Variants in ZMAT4 observed in about 807,000 individuals in gnomAD.
ZMAT4 encodes the protein zinc finger matrin-type protein 4.
Under a neutral mutation model 28.7 loss-of-function variants are expected in ZMAT4, and 17 were observed. The observed-to-expected ratio is 0.59, with a 90% confidence interval of 0.41 to 0.89. ZMAT4 has a LOEUF of 0.89. Among genes scored for constraint, ZMAT4 ranks in the 40% least tolerant of loss-of-function variants. ZMAT4 has a pLI of 0.00. For missense variants in ZMAT4, 240 were observed against 283.8 expected (o/e 0.85, Z 1.11); for synonymous variants, 117 against 109.2 (o/e 1.07, Z -0.44).
chr8:40,839,460 A>G (rs1262426035), intron 1 of ZMAT4, among the ~76,000 whole-genome samples: 3 of 152,256 alleles, frequency 2.0e-5, no homozygotes, highest in African/African-American at 7.2e-5. Context: ...GCTAGCTACA[A>G]TCCCACCACC....
chr8:40,616,348 A>C (rs1377674809), intron 5 of ZMAT4, among the ~76,000 whole-genome samples: 1 of 152,224 alleles, frequency 6.6e-6, no homozygotes, highest in Non-Finnish European at 1.5e-5. Flanking sequence ...AGGATCTAGA[A>C]CTAGAAATAC....
intron 6 of ZMAT4, among the ~76,000 whole-genome samples, chr8:40,538,618 C>T (rs1000788933): frequency 6.6e-6 from 1 of 152,036 alleles, no homozygotes; most frequent in African/African-American, 2.4e-5. Context: ...AGTTCAGTAC[C>T]CCTCTTCTAT....
intron 5 of ZMAT4, among the ~76,000 whole-genome samples, chr8:40,601,505 G>GAAAGAA (rs1563360178): frequency 9.1e-5 from 13 of 142,172 alleles, no homozygotes; most frequent in Non-Finnish European, 1.4e-4. Context: ...GAGAAAGAAA[G>GAAAGAA]AAAGAGAAAG....
chr8:40,667,403 C>T (rs1485582883), intron 5 of ZMAT4, among the ~76,000 whole-genome samples: 1 of 152,198 alleles, frequency 6.6e-6, no homozygotes, highest in Non-Finnish European at 1.5e-5. Context: ...ATCCACCCAC[C>T]TTGGCCTCCC....
intron 4 of ZMAT4, among the ~76,000 whole-genome samples, chr8:40,680,377 T>C (rs1345623451): frequency 6.6e-6 from 1 of 152,008 alleles, no homozygotes; most frequent in Non-Finnish European, 1.5e-5. Flanking sequence ...CAAATTGAAA[T>C]TGGTCACCCC....
intron 3 of ZMAT4, among the ~76,000 whole-genome samples, chr8:40,716,486 G>A (rs1380754835): frequency 6.6e-6 from 1 of 152,170 alleles, no homozygotes; most frequent in East Asian, 1.9e-4. Context: ...GAGGTCAGGA[G>A]TATGAGATCA....
chr8:40,625,587 C>T (rs1166760866), intron 5 of ZMAT4, among the ~76,000 whole-genome samples: 1 of 152,068 alleles, frequency 6.6e-6, no homozygotes, highest in African/African-American at 2.4e-5. Context: ...TCATCACTTA[C>T]ACAGCTTTGG....
intron 5 of ZMAT4, among the ~76,000 whole-genome samples, chr8:40,647,488 G>A (rs1027676330): frequency 5.9e-5 from 9 of 152,270 alleles, no homozygotes; most frequent in East Asian, 3.9e-4. Flanking sequence ...AGGTGGCAGC[G>A]AGGCTGGGGG....
At chr8:40,629,201 TA>T (rs1406928809) in intron 5 of ZMAT4, among the ~76,000 whole-genome samples, 1 of 151,846 alleles carries the variant, frequency 6.6e-6, no homozygotes, top group Non-Finnish European at 1.5e-5. Flanking sequence ...ATTTAGTGAG[TA>T]AAAAATTGAT....
intron 5 of ZMAT4, among the ~76,000 whole-genome samples, chr8:40,599,887 G>A (rs1349531652): frequency 1.3e-5 from 2 of 152,110 alleles, no homozygotes; most frequent in African/African-American, 2.4e-5. Flanking sequence ...TCCTTACCAC[G>A]CACAGTGCCT....
At chr8:40,602,087 T>G (rs1399590300) in intron 5 of ZMAT4, among the ~76,000 whole-genome samples, 1 of 152,172 alleles carries the variant, frequency 6.6e-6, no homozygotes, top group Non-Finnish European at 1.5e-5. Flanking sequence ...ATAGCCTAGC[T>G]CTCACTTAGG....
At chr8:40,872,994 T>C (rs908352513) in intron 1 of ZMAT4, among the ~76,000 whole-genome samples, 4 of 152,016 alleles carry the variant, frequency 2.6e-5, no homozygotes, top group Admixed American at 1.3e-4. Context: ...TTCTAAATAA[T>C]CAGGGCTTGT....
At chr8:40,845,178 C>T (rs148887325) in intron 1 of ZMAT4, among the ~76,000 whole-genome samples, 116 of 152,312 alleles carry the variant, frequency 7.6e-4, no homozygotes, top group African/African-American at 2.8e-3. Context: ...AGCTCAGTTC[C>T]TCCACTTTCA....
chr8:40,838,080 A>G (rs907195900), intron 1 of ZMAT4, among the ~76,000 whole-genome samples: 1 of 152,320 alleles, frequency 6.6e-6, no homozygotes, highest in East Asian at 1.9e-4. Flanking sequence ...CTCGCCAGAG[A>G]TGACAGACAG....
intron 3 of ZMAT4, among the ~76,000 whole-genome samples, chr8:40,729,886 C>CT (rs1811464918): frequency 6.6e-6 from 1 of 152,086 alleles, no homozygotes; most frequent in Admixed American, 6.6e-5. Flanking sequence ...CCCGCTTGAG[C>CT]ATATATTTCT....
chr8:40,589,616 T>C (rs1376552494), intron 5 of ZMAT4, among the ~76,000 whole-genome samples: 1 of 152,164 alleles, frequency 6.6e-6, no homozygotes, highest in Admixed American at 6.5e-5. Flanking sequence ...TGTAGGAATT[T>C]GTTAAATCGT....
At chr8:40,710,336 T>G (rs181366272) in intron 3 of ZMAT4, among the ~76,000 whole-genome samples, 37 of 152,328 alleles carry the variant, frequency 2.4e-4, no homozygotes, top group Middle Eastern at 3.4e-3. Context: ...TTATGGGATA[T>G]TCTAATTCAT....
At chr8:40,548,940 A>C (rs2722459) in intron 6 of ZMAT4, among the ~76,000 whole-genome samples, 107,721 of 152,050 alleles carry the variant, frequency 0.71, 43,048 homozygotes, top group East Asian at 1. Flanking sequence ...AACCAATACC[A>C]TTTGCTATGG....
chr8:40,889,259 G>T (rs1818579513), intron 1 of ZMAT4, among the ~76,000 whole-genome samples: 1 of 152,208 alleles, frequency 6.6e-6, no homozygotes, highest in African/African-American at 2.4e-5. Flanking sequence ...CTGCAGCAGA[G>T]GTCCAGCCCT....
Sources: gnomAD v4.1 joint callset for allele counts (sites outside exome capture counted in the v4.1 genomes callset) on GRCh38, gnomAD v4.1.1 for gene constraint, MANE v1.5 for transcripts, NCBI Gene and HGNC (gene_info 2026-07-23, HGNC 2026-07-21) for gene names.